Variants in CFAP95 observed in about 807,000 individuals in gnomAD.
The protein encoded by CFAP95 is cilia- and flagella-associated protein 95.
chr9:69,857,779 C>T, the CFAP95 span: 43 of 701,426 alleles, frequency 6.1e-5, no homozygotes, highest in Non-Finnish European at 1.0e-4. Context: ...CCTCCCGTCT[C>T]GGCCTCCCAA....
chr9:69,857,136 A>G, the CFAP95 span, among the ~76,000 whole-genome samples: 1 of 152,282 alleles, frequency 6.6e-6, no homozygotes, highest in African/African-American at 2.4e-5. Context: ...TGCAATAAGA[A>G]TTAGGTAAGC....
At chr9:69,877,340 T>C in the CFAP95 span, among the ~76,000 whole-genome samples, 1 of 152,174 alleles carries the variant, frequency 6.6e-6, no homozygotes, top group East Asian at 1.9e-4. Flanking sequence ...TATTAGGATT[T>C]GTTTGTCAAG....
At chr9:69,870,995 G>T in the CFAP95 span, among the ~76,000 whole-genome samples, 5 of 152,032 alleles carry the variant, frequency 3.3e-5, no homozygotes, top group Admixed American at 3.3e-4. Flanking sequence ...GAGGCGGGAG[G>T]ATCACCTGAG....
chr9:69,880,798 T>A, the CFAP95 span, among the ~76,000 whole-genome samples: 1 of 152,334 alleles, frequency 6.6e-6, no homozygotes, highest in South Asian at 2.1e-4. Context: ...GGTTTCCTTT[T>A]CTCCACATCC....
At chr9:69,879,942 A>G in the CFAP95 span, among the ~76,000 whole-genome samples, 1 of 151,972 alleles carries the variant, frequency 6.6e-6, no homozygotes, top group African/African-American at 2.4e-5. Flanking sequence ...CTCTCACATC[A>G]CACTGTATAT....
chr9:69,843,916 G>A, the CFAP95 span, among the ~76,000 whole-genome samples: 4 of 151,788 alleles, frequency 2.6e-5, no homozygotes, highest in South Asian at 2.1e-4. Flanking sequence ...GATTACAGGC[G>A]TGTGTTACTG....
the CFAP95 span, among the ~76,000 whole-genome samples, chr9:69,855,027 G>C: frequency 6.6e-6 from 1 of 152,180 alleles, no homozygotes; most frequent in Non-Finnish European, 1.5e-5. Context: ...CGTTTATAAA[G>C]AGATCCTTCA....
At chr9:69,857,849 T>G in the CFAP95 span, 1 of 1,522,906 alleles carries the variant, frequency 6.6e-7, no homozygotes, top group South Asian at 1.2e-5. Flanking sequence ...TTTACATGGC[T>G]TTGAAAGTTT....
At chr9:69,827,122 G>T in the CFAP95 span, among the ~76,000 whole-genome samples, 2 of 152,198 alleles carry the variant, frequency 1.3e-5, no homozygotes, top group African/African-American at 4.8e-5. Context: ...TGCAGTGTGT[G>T]TCATACCATC....
the CFAP95 span, among the ~76,000 whole-genome samples, chr9:69,886,481 A>AGTGCTTGCTAAGCAT: frequency 6.6e-6 from 1 of 152,214 alleles, no homozygotes; most frequent in African/African-American, 2.4e-5. Flanking sequence ...AGTGCTTGAT[A>AGTGCTTGCTAAGCAT]AGTCCTTAGC....
At chr9:69,901,352 T>C in the CFAP95 span, among the ~76,000 whole-genome samples, 1 of 152,124 alleles carries the variant, frequency 6.6e-6, no homozygotes, top group East Asian at 1.9e-4. Context: ...TTAGCTAGGA[T>C]GGTCTCGATC....
At chr9:69,857,983 T>C in the CFAP95 span, 1 of 1,612,616 alleles carries the variant, frequency 6.2e-7, no homozygotes, top group Non-Finnish European at 8.5e-7. Flanking sequence ...AAAATGTTAG[T>C]AGTCCCTAAA....
At chr9:69,829,581 G>C in the CFAP95 span, among the ~76,000 whole-genome samples, 1 of 152,152 alleles carries the variant, frequency 6.6e-6, no homozygotes, top group Non-Finnish European at 1.5e-5. Context: ...TCATAACTGG[G>C]CTGTGGAAGC....
the CFAP95 span, among the ~76,000 whole-genome samples, chr9:69,831,048 C>T: frequency 6.6e-6 from 1 of 152,104 alleles, no homozygotes; most frequent in Non-Finnish European, 1.5e-5. Flanking sequence ...TTATTGGTCA[C>T]ACCGTGTATT....
At chr9:69,883,322 GAGA>G in the CFAP95 span, among the ~76,000 whole-genome samples, 9 of 152,130 alleles carry the variant, frequency 5.9e-5, no homozygotes, top group Non-Finnish European at 1.2e-4. Context: ...CTGTGTTGGG[GAGA>G]AGTTTATGTG....
the CFAP95 span, among the ~76,000 whole-genome samples, chr9:69,879,979 GTTTA>G: frequency 6.5e-4 from 99 of 151,778 alleles, no homozygotes; most frequent in Non-Finnish European, 1.3e-3. Flanking sequence ...GTTTGTTTTG[GTTTA>G]TTTTTTATTA....
the CFAP95 span, among the ~76,000 whole-genome samples, chr9:69,827,987 G>T: frequency 6.6e-6 from 1 of 152,156 alleles, no homozygotes; most frequent in African/African-American, 2.4e-5. Context: ...CTTACCAAAA[G>T]CCCCTCTTTT....
the CFAP95 span, among the ~76,000 whole-genome samples, chr9:69,824,598 A>G: frequency 4.1e-5 from 6 of 145,956 alleles, no homozygotes; most frequent in Admixed American, 3.4e-4. Context: ...TGTTTGCTAT[A>G]TGGTAAAATG....
the CFAP95 span, among the ~76,000 whole-genome samples, chr9:69,824,580 G>A: frequency 0.095 from 13,256 of 139,110 alleles, 765 homozygotes; most frequent in South Asian, 0.2. Context: ...TTTGCATTTC[G>A]TGCTTTTTGT....
Sources: gnomAD v4.1 joint callset for allele counts (sites outside exome capture counted in the v4.1 genomes callset) on GRCh38, gnomAD v4.1.1 for gene constraint, MANE v1.5 for transcripts, NCBI Gene and HGNC (gene_info 2026-07-23, HGNC 2026-07-21) for gene names.